Variants in KIRREL3 observed in about 807,000 individuals in gnomAD.
KIRREL3 encodes kirre like nephrin family adhesion molecule 3.
Under a neutral mutation model 89.7 loss-of-function variants are expected in KIRREL3, and 36 were observed. That is an observed-to-expected ratio of 0.40 (90% CI 0.31 to 0.53). The LOEUF (loss-of-function observed/expected upper bound fraction) is 0.53, where lower values mean the gene tolerates loss of function less well. KIRREL3 is among the 20% of genes least tolerant of loss of function. The pLI is 0.49. For synonymous variants in KIRREL3, 445 were observed against 441.4 expected, an observed-to-expected ratio of 1.01 and a Z score of -0.10; for missense variants, 864 against 1,056.6, an observed-to-expected ratio of 0.82 and a Z score of 2.53.
intron 1 of KIRREL3, among the ~76,000 whole-genome samples, chr11:126,887,767 G>A (rs1335546689): frequency 1.3e-5 from 2 of 152,248 alleles, no homozygotes; most frequent in Non-Finnish European, 1.5e-5. Flanking sequence ...CTACTCAACC[G>A]CTGAGTAACC....
chr11:126,449,181 T>C (rs774473248), intron 7 of KIRREL3, 24 bp from the exon 8 acceptor site: 8 of 1,611,954 alleles, frequency 5.0e-6, no homozygotes, highest in African/African-American at 1.3e-5. Flanking sequence ...CAGGGGCTGA[T>C]GTGGGCCTTG....
At chr11:126,702,733 C>G (rs909552451) in intron 1 of KIRREL3, among the ~76,000 whole-genome samples, 1 of 152,340 alleles carries the variant, frequency 6.6e-6, no homozygotes, top group Admixed American at 6.5e-5. Context: ...TCCTGGTGCA[C>G]CCCGCTGTAT....
At chr11:126,500,717 G>T (rs1957827563) in intron 4 of KIRREL3, among the ~76,000 whole-genome samples, 1 of 142,996 alleles carries the variant, frequency 7.0e-6, no homozygotes, top group African/African-American at 2.7e-5. Context: ...TATAGCCTGG[G>T]CAACAGAGTG....
In KIRREL3 at chr11:126,579,764, CT is replaced by C; in HGVS notation, c.56-16853del. 6.6e-6 allele frequency among the ~76,000 whole-genome samples: 1 copy of C among 152,242 alleles called. No individual in the cohort carries two copies. Among genetic ancestry groups the C allele is most frequent in the Middle Eastern group, 3.4e-3 (1 of 294 alleles). On this transcript the variant is annotated intron_variant, in intron 1 of 16. Coordinates refer to ENST00000525144, the MANE Select transcript of KIRREL3 (RefSeq NM_032531.4). This position sits in a 1 kb window ranked among gnomAD's most constrained non-coding sequence, Gnocchi z 5.3. ...CCACCCTCTCTGCTCTCATGACCCC[CT>C]GCCTCTCTCCACCTCTGCGTGATGT... is the stretch of plus-strand genomic sequence containing the variant.
At chr11:126,972,245 G>A (rs1949446664) in intron 1 of KIRREL3, among the ~76,000 whole-genome samples, 1 of 134,640 alleles carries the variant, frequency 7.4e-6, no homozygotes, top group Non-Finnish European at 1.7e-5. Flanking sequence ...ATCTCCCCCA[G>A]GAATCAGGGT....
chr11:126,971,753 T>C (rs1370779859), intron 1 of KIRREL3, among the ~76,000 whole-genome samples: 1 of 152,180 alleles, frequency 6.6e-6, no homozygotes, highest in Non-Finnish European at 1.5e-5. Flanking sequence ...TTTCCTATAG[T>C]CCATTCAAAA....
At chr11:126,512,629 T>C (rs1280825116) in intron 4 of KIRREL3, among the ~76,000 whole-genome samples, 2 of 152,172 alleles carry the variant, frequency 1.3e-5, no homozygotes, top group Admixed American at 6.5e-5. Context: ...GATGATTCCA[T>C]GTCAAATGGC....
intron 1 of KIRREL3, among the ~76,000 whole-genome samples, chr11:126,861,187 T>A (rs1451547805): frequency 6.6e-6 from 1 of 152,180 alleles, no homozygotes; most frequent in Non-Finnish European, 1.5e-5. Context: ...GGTGTCATCA[T>A]TTCTGGGAAT....
rs530709624 is a variant in KIRREL3 at position 126,677,223 on chromosome 11, A to G, written c.56-114311T>C. Reference sequence around the variant, plus strand: ...CCCTGTACATTTTAGCTATCCCCTTAGCCTCAGCCTCTCCCTCCCCATCAC... The same window carrying G: ...CCCTGTACATTTTAGCTATCCCCTTGGCCTCAGCCTCTCCCTCCCCATCAC... On this transcript the variant is annotated intron_variant, in intron 1 of 16. Coordinates refer to ENST00000525144, the MANE Select transcript of KIRREL3 (RefSeq NM_032531.4). The surrounding 1 kb of genome is among the most constrained non-coding windows in gnomAD (Gnocchi z 5.1). Among the ~76,000 whole-genome samples the G allele has an allele frequency of 2.2e-4, 33 of 152,232 alleles. No individual in the cohort carries two copies. In the South Asian group the frequency reaches 6.2e-3, roughly 29 times the overall value.
chr11:126,689,992 TCCTCTTGCTCAGACTTTC>T lies in KIRREL3; in HGVS notation c.56-127098_56-127081del, dbSNP rs146253486. Among the ~76,000 whole-genome samples the T allele has an allele frequency of 1.7e-3, 252 of 152,324 alleles. 1 individual carries two copies. The highest frequency in any genetic ancestry group is 5.9e-3 in the African/African-American group (245 of 41,570). ...TTTGTCTCCCGGCCTCACACTGCCT[TCCTCTTGCTCAGACTTTC>T]CCTCTTGCAGTATCTCCTAAGTCAC... On this transcript the variant is annotated intron_variant, in intron 1 of 16. Transcript: ENST00000525144. This position sits in a 1 kb window ranked among gnomAD's most constrained non-coding sequence, Gnocchi z 5.2.
At chr11:126,582,665 GC>G (rs1941615794) in intron 1 of KIRREL3, among the ~76,000 whole-genome samples, 1 of 152,168 alleles carries the variant, frequency 6.6e-6, no homozygotes, top group Non-Finnish European at 1.5e-5. Context: ...CAGGTCTAAA[GC>G]CCCATGAGGA....
rs1470937834 is a variant in KIRREL3, at chr11:126,755,848, A to AGG, written c.56-192937_56-192936insCC. Reference sequence around the variant, plus strand: ...CAGAGAGAGAGAGAGAGAGAGAGAGAGAGAGAGGGAGAGAGGGAGAGAGAA... The same window carrying AGG: ...CAGAGAGAGAGAGAGAGAGAGAGAGAGGGAGAGAGGGAGAGAGGGAGAGAGAA... On this transcript the variant is annotated intron_variant, in intron 1 of 16. Coordinates refer to ENST00000525144, the MANE Select transcript of KIRREL3 (RefSeq NM_032531.4). This position sits in a 1 kb window ranked among gnomAD's most constrained non-coding sequence, Gnocchi z 4.3. Among the ~76,000 whole-genome samples the AGG allele has an allele frequency of 3.7e-4, 41 of 109,794 alleles. No homozygotes were observed. Among genetic ancestry groups the AGG allele is most frequent in the Admixed American group, 3.0e-3 (32 of 10,818 alleles). 72.0% of individuals were successfully genotyped at this position (109,794 alleles called of 152,430 possible).
In KIRREL3 at chr11:126,477,681, C is replaced by T. The variant is rs936762400; in HGVS notation, c.434-4215G>A. ...CAGGCTGGAAAAACTCTCTTGGTGC[C>T]AGGACAAGGACAGCACTGAGGGAAT... On this transcript the variant is annotated intron_variant, in intron 4 of 16. Transcript: ENST00000525144. This position sits in a 1 kb window ranked among gnomAD's most constrained non-coding sequence, Gnocchi z 4.8. Among the ~76,000 whole-genome samples, 1 of 152,166 alleles carries T rather than the reference C, an allele frequency of 6.6e-6. No individual in the cohort carries two copies. Among genetic ancestry groups the T allele is most frequent in the South Asian group, 2.1e-4 (1 of 4,834 alleles).
At chr11:126,680,920 T>C (rs551913097) in intron 1 of KIRREL3, among the ~76,000 whole-genome samples, 2 of 152,310 alleles carry the variant, frequency 1.3e-5, no homozygotes, top group East Asian at 3.9e-4. Flanking sequence ...ATATATTATA[T>C]GAAAAATGAA....
rs79451144 is a variant in KIRREL3 at position 126,639,916 on chromosome 11, C to G, written c.56-77004G>C. On this transcript the variant is annotated intron_variant, in intron 1 of 16. Coordinates refer to ENST00000525144, the MANE Select transcript of KIRREL3 (RefSeq NM_032531.4). This position sits in a 1 kb window ranked among gnomAD's most constrained non-coding sequence, Gnocchi z 4.3. Reference sequence around the variant, plus strand: ...GCTTGTAGAATAGAAAGGCCACTTGCTTAATTGGGAACACTTTAATATAGA... The same window carrying G: ...GCTTGTAGAATAGAAAGGCCACTTGGTTAATTGGGAACACTTTAATATAGA... 1.1e-3 allele frequency among the ~76,000 whole-genome samples: 173 copies of G among 152,300 alleles called. No individual in the cohort carries two copies. Among genetic ancestry groups the G allele is most frequent in the African/African-American group, 4.1e-3 (171 of 41,564 alleles).
In KIRREL3 at chr11:126,571,856, AC is replaced by A. The variant is rs1940954963; in HGVS notation, c.56-8945del. On this transcript the variant is annotated intron_variant, in intron 1 of 16. Coordinates refer to ENST00000525144, the MANE Select transcript of KIRREL3 (RefSeq NM_032531.4). This position sits in a 1 kb window ranked among gnomAD's most constrained non-coding sequence, Gnocchi z 7.7. ...GATGCCTCAGCCCGTCTCTGATTTAACGTATCTAATTCCAATGAGTTACTTG... is the reference window on the plus strand; with the variant it reads ...GATGCCTCAGCCCGTCTCTGATTTAAGTATCTAATTCCAATGAGTTACTTG... 6.6e-6 allele frequency among the ~76,000 whole-genome samples: 1 copy of A among 152,224 alleles called. No homozygotes were observed. Among genetic ancestry groups the A allele is most frequent in the Non-Finnish European group, 1.5e-5 (1 of 68,038 alleles).
In KIRREL3 at chr11:126,514,132, T is replaced by A. The variant is rs114325522; in HGVS notation, c.433+7183A>T. 5.9e-3 allele frequency among the ~76,000 whole-genome samples: 902 copies of A among 151,966 alleles called. 8 individuals are homozygous for A. The highest frequency in any genetic ancestry group is 0.02 in the African/African-American group (825 of 41,432). On this transcript the variant is annotated intron_variant, in intron 4 of 16. Coordinates refer to ENST00000525144, the MANE Select transcript of KIRREL3 (RefSeq NM_032531.4). ...GAGCTGGTGGCAGGGGTGGGGTGTG[T>A]GTAGGGGGAGCGAGATGTACAATAG...
At position 126,608,812 on chromosome 11, in the gene KIRREL3, G is replaced by A. The variant is rs923961853; in HGVS notation, c.56-45900C>T. 4.6e-5 allele frequency among the ~76,000 whole-genome samples: 7 copies of A among 152,194 alleles called. No homozygotes were observed. Among genetic ancestry groups the A allele is most frequent in the African/African-American group, 1.7e-4 (7 of 41,450 alleles). On this transcript the variant is annotated intron_variant, in intron 1 of 16. Coordinates refer to ENST00000525144, the MANE Select transcript of KIRREL3 (RefSeq NM_032531.4). The surrounding 1 kb of genome is among the most constrained non-coding windows in gnomAD (Gnocchi z 4.9). ...TTGCATTTCCTGGGGCCTAACTGCT[G>A]GGAGTGCACTTCTGGAGTGGAGATG...
chr11:126,855,378 C>T (rs957447581), intron 1 of KIRREL3, among the ~76,000 whole-genome samples: 18 of 152,168 alleles, frequency 1.2e-4, no homozygotes, highest in African/African-American at 4.3e-4. Context: ...CTAAGACGTG[C>T]CTACTTTCCC....
Sources: gnomAD v4.1 joint callset for allele counts (sites outside exome capture counted in the v4.1 genomes callset) on GRCh38, gnomAD v4.1.1 for gene constraint, Gnocchi (gnomAD v3.1) non-coding constraint, MANE v1.5 for transcripts, NCBI Gene and HGNC (gene_info 2026-07-23, HGNC 2026-07-21) for gene names.